NEU3: variants seen among roughly 807,000 people sequenced by gnomAD.
The protein encoded by NEU3 is neuraminidase 3.
A neutral mutation model predicts 11.4 loss-of-function variants in NEU3; 10 were observed. The ratio of observed to expected loss-of-function variants is 0.88; its 90% CI spans 0.54 to 1.49. The LOEUF (loss-of-function observed/expected upper bound fraction) is 1.49. Ranked by LOEUF, NEU3 falls within the 40% of genes most tolerant of loss-of-function variation. NEU3 has a pLI of 0.00. For synonymous variants in NEU3, 212 were observed against 228.2 expected, an observed-to-expected ratio of 0.93 and a Z score of 0.64; for missense variants, 529 against 581.8, an observed-to-expected ratio of 0.91 and a Z score of 0.93.
At chr11:74,991,680 A>T (rs994977717) in intron 1 of NEU3, among the ~76,000 whole-genome samples, 3 of 152,032 alleles carry the variant, frequency 2.0e-5, no homozygotes, top group African/African-American at 7.2e-5. Context: ...CTTGCACTCC[A>T]CCTTACTGTA....
chr11:75,017,866 G>A (rs1591766776), intron 3 of NEU3, among the ~76,000 whole-genome samples: 1 of 152,248 alleles, frequency 6.6e-6, no homozygotes, highest in East Asian at 1.9e-4. Flanking sequence ...TATTTTCAGT[G>A]ACAAGACTGG....
chr11:74,994,667 G>A lies in NEU3; in HGVS notation c.253G>A (p.Asp85Asn), dbSNP rs764171047. Residue 85 changes from aspartate (D) to asparagine (N), a missense_variant, in exon 2 of 3, where the codon GAT becomes AAT. Transcript: ENST00000294064. ...AEKRSTRRDE[D>N]ALHLVLRRGL... ...GAAGCGTTCTACGAGGAGAGATGAG[G>A]ATGCTCTCCACCTGGTGCTGAGGCG... 6.2e-7 allele frequency: 1 copy of A among 1,613,970 alleles called. No homozygotes were observed. Among genetic ancestry groups the A allele is most frequent in the Non-Finnish European group, 8.5e-7 (1 of 1,179,872 alleles).
At chr11:75,001,285 C>CTTTTTTTTTTTTTTTTTT (rs775188864) in intron 2 of NEU3, among the ~76,000 whole-genome samples, 1 of 130,098 alleles carries the variant, frequency 7.7e-6, no homozygotes, top group Non-Finnish European at 1.7e-5. Flanking sequence ...TTTTTTTTTT[C>CTTTTTTTTTTTTTTTTTT]TTTTTTTTTT....
chr11:74,984,924 A>G, upstream of NEU3, among the ~76,000 whole-genome samples: 1 of 152,204 alleles, frequency 6.6e-6, no homozygotes, highest in East Asian at 1.9e-4. Flanking sequence ...GCCATTTTAC[A>G]GATGAGGAAC....
chr11:75,012,172 T>A (rs181241482), downstream of NEU3, among the ~76,000 whole-genome samples: 248 of 152,272 alleles, frequency 1.6e-3, 2 homozygotes, highest in Non-Finnish European at 8.4e-4. Flanking sequence ...TGGTAATTCC[T>A]CACATCCTCG....
chr11:74,987,626 A>T (rs1332565727), upstream of NEU3, among the ~76,000 whole-genome samples: 2 of 152,096 alleles, frequency 1.3e-5, no homozygotes, highest in Non-Finnish European at 2.9e-5. Context: ...ATCCTGGCTA[A>T]CATGGTGAAA....
intron 2 of NEU3, among the ~76,000 whole-genome samples, chr11:74,997,053 T>A (rs1453939820): frequency 6.6e-6 from 1 of 152,222 alleles, no homozygotes; most frequent in African/African-American, 2.4e-5. Context: ...TAAATGAGCA[T>A]TGACCTCAAC....
downstream of NEU3, among the ~76,000 whole-genome samples, chr11:75,013,506 C>T (rs888204923): frequency 6.6e-6 from 1 of 152,182 alleles, no homozygotes; most frequent in African/African-American, 2.4e-5. Context: ...TCCTTAGCAA[C>T]TGCAGGCCTG....
chr11:74,991,331 G>A (rs1948730429), intron 1 of NEU3, among the ~76,000 whole-genome samples: 3 of 152,172 alleles, frequency 2.0e-5, no homozygotes, highest in South Asian at 2.1e-4. Flanking sequence ...TTTTCTTCTG[G>A]ACTCAGCAAG....
At chr11:75,019,566 A>G (rs1035392087), downstream of NEU3, among the ~76,000 whole-genome samples, 3 of 152,208 alleles carry the variant, frequency 2.0e-5, no homozygotes, top group Admixed American at 6.5e-5. Flanking sequence ...ATTTTTTCCT[A>G]TAGTAATCAT....
In NEU3 at chr11:75,006,453, CAGCCCTG is replaced by C. The variant is rs1214998103; in HGVS notation, c.1348_1354del (p.Ser450ValfsTer19). 37 of 1,613,572 alleles carry C rather than the reference CAGCCCTG, an allele frequency of 2.3e-5. No individual in the cohort carries two copies. Among genetic ancestry groups the C allele is most frequent in the Non-Finnish European group, 3.0e-5 (35 of 1,179,766 alleles). ...TGAGTCACCTGCAGGGGGACTGCAC[CAGCCCTG>C]GTAGGAACCCAAGCCAATTCAAAAG... is the stretch of plus-strand genomic sequence containing the variant. On this transcript the variant is annotated frameshift_variant, in exon 3 of 3. Coordinates refer to ENST00000294064, the MANE Select transcript of NEU3 (RefSeq NM_006656.6). LOFTEE classifies it low-confidence loss of function (END_TRUNC).
At chr11:75,004,453 C>CT (rs889985246) in intron 2 of NEU3, 24 of 461,746 alleles carry the variant, frequency 5.2e-5, no homozygotes, top group African/African-American at 1.8e-4. Context: ...TGAAGCTGAA[C>CT]TTTTTTTTCT....
At chr11:74,994,989 C>T (rs1948774647) in intron 2 of NEU3, 2 of 621,776 alleles carry the variant, frequency 3.2e-6, no homozygotes, top group African/African-American at 3.6e-5. Flanking sequence ...TTGCCATTTG[C>T]TCAAGGTTAT....
At chr11:75,000,726 T>C (rs1182803416) in intron 2 of NEU3, among the ~76,000 whole-genome samples, 1 of 151,678 alleles carries the variant, frequency 6.6e-6, no homozygotes, top group East Asian at 1.9e-4. Context: ...CAAGCAATCC[T>C]CTGCCTCCTG....
chr11:74,990,009 A>G (rs1361917345), intron 1 of NEU3: 1 of 702,422 alleles, frequency 1.4e-6, no homozygotes, highest in Non-Finnish European at 2.6e-6. Context: ...CAGAATCACC[A>G]TCTATATTAC....
downstream of NEU3, chr11:75,019,008 T>G (rs974150093): frequency 6.6e-6 from 1 of 152,280 alleles, no homozygotes; most frequent in Non-Finnish European, 1.5e-5. Flanking sequence ...TGGTGGTATT[T>G]TGCCCCTGCC....
Position 74,991,986 on chromosome 11 carries a change from G to A in NEU3, c.95-2523G>A, listed in dbSNP as rs148415469. Among the ~76,000 whole-genome samples, 401 of 152,334 alleles carry A rather than the reference G, an allele frequency of 2.6e-3. 2 individuals are homozygous for A. The highest frequency in any genetic ancestry group is 9.3e-3 in the African/African-American group (386 of 41,570). On this transcript the variant is annotated intron_variant, in intron 1 of 2. Transcript: ENST00000294064. ...GTATTAAACAAATGTAACATAGGAG[G>A]CATCAAAGTGTGATAAGTGGTGTGG...
chr11:75,010,731 C>T lies in NEU3; in HGVS notation c.*4239C>T, dbSNP rs540467620. ...CTTCACTGGTATTTTCCCTCTGTCC[C>T]TAATTGGGTTTTCTATAGTTACTAG... On this transcript the variant is annotated 3_prime_UTR_variant, in exon 3 of 3. Transcript: ENST00000294064. The T allele has an allele frequency of 3.3e-5, 5 of 152,268 alleles. No individual in the cohort carries two copies. The East Asian group carries it at 7.7e-4, about 24-fold the overall frequency. 9.4% of individuals were successfully genotyped at this position (152,268 alleles called of 1,614,324 possible).
intron 1 of NEU3, among the ~76,000 whole-genome samples, chr11:74,991,842 C>T (rs187136997): frequency 6.6e-6 from 1 of 152,326 alleles, no homozygotes; most frequent in Non-Finnish European, 1.5e-5. Context: ...TTCATTCAAT[C>T]ATTCAACAAA....
Sources: allele counts gnomAD v4.1 joint callset (sites outside exome capture counted in the v4.1 genomes callset), GRCh38; gene constraint gnomAD v4.1.1; transcripts MANE v1.5; gene names NCBI Gene and HGNC (gene_info 2026-07-23, HGNC 2026-07-21).